Variants in BMP5 observed in about 807,000 individuals in gnomAD.
The protein encoded by BMP5 is bone morphogenetic protein 5.
In BMP5, 23 loss-of-function variants were observed where a neutral mutation model predicts 46.6. The ratio of observed to expected loss-of-function variants is 0.49; its 90% CI spans 0.35 to 0.70. BMP5 has a LOEUF of 0.70. BMP5 is among the 30% of genes least tolerant of loss of function. The pLI, the probability that BMP5 is intolerant of heterozygous loss-of-function variation, is 0.00. For missense variants in BMP5, 545 were observed against 565.6 expected (o/e 0.96, Z 0.37); for synonymous variants, 204 against 191.9 (o/e 1.06, Z -0.52).
At chr6:55,864,737 A>G (rs939115387) in intron 1 of BMP5, among the ~76,000 whole-genome samples, 7 of 152,184 alleles carry the variant, frequency 4.6e-5, no homozygotes, top group African/African-American at 1.4e-4. Flanking sequence ...TCAAAAATCA[A>G]TGTGATGATT....
At chr6:55,847,691 T>C (rs1777132897) in intron 1 of BMP5, among the ~76,000 whole-genome samples, 1 of 151,960 alleles carries the variant, frequency 6.6e-6, no homozygotes, top group South Asian at 2.1e-4. Context: ...GGTTTTGATT[T>C]TTTCATCTAC....
chr6:55,862,392 TCCC>T (rs1777543829), intron 1 of BMP5, among the ~76,000 whole-genome samples: 1 of 152,172 alleles, frequency 6.6e-6, no homozygotes, highest in African/African-American at 2.4e-5. Flanking sequence ...ATTCTCAGAA[TCCC>T]CTTTTATTTC....
Position 55,754,003 on chromosome 6 carries a change from A to T in BMP5, c.*1530T>A, listed in dbSNP as rs1774517630. The T allele has an allele frequency of 6.6e-6, 1 of 151,940 alleles. No individual in the cohort carries two copies. Among genetic ancestry groups the T allele is most frequent in the African/African-American group, 2.4e-5 (1 of 41,424 alleles). 9.4% of individuals were successfully genotyped at this position (151,940 alleles called of 1,614,324 possible). A position where few individuals can be genotyped will look rare whatever the true frequency, so the allele number is the denominator to read the frequency against. On this transcript the variant is annotated 3_prime_UTR_variant, in exon 7 of 7. Transcript: ENST00000370830. ...TACCCCTTAATATAGTTACTGTCAA[A>T]TTTTCTTTAAGATAAACTGTATTTC...
chr6:55,806,060 C>A lies in BMP5; in HGVS notation c.684-11633G>T, dbSNP rs568708854. 5.3e-5 allele frequency among the ~76,000 whole-genome samples: 8 copies of A among 152,250 alleles called. No homozygotes were observed. In the East Asian group the frequency reaches 1.5e-3, roughly 29 times the overall value. On this transcript the variant is annotated intron_variant, in intron 2 of 6. Transcript: ENST00000370830. ...GATAGTTTCTTTTGCTGTGCAGAAGCTCTTTAGTTTAATTAGATCTCATTT... is the reference window on the plus strand; with the variant it reads ...GATAGTTTCTTTTGCTGTGCAGAAGATCTTTAGTTTAATTAGATCTCATTT...
intron 1 of BMP5, among the ~76,000 whole-genome samples, chr6:55,843,920 T>G (rs575253836): frequency 6.6e-6 from 1 of 152,170 alleles, no homozygotes; most frequent in East Asian, 1.9e-4. Flanking sequence ...AGAGAAATTG[T>G]CCTTAAATTT....
At chr6:55,838,063 A>C (rs545752640) in intron 1 of BMP5, among the ~76,000 whole-genome samples, 1 of 152,270 alleles carries the variant, frequency 6.6e-6, no homozygotes, top group South Asian at 2.1e-4. Flanking sequence ...TCATCTGTTG[A>C]TGGACACTTA....
chr6:55,870,129 CCTT>C (rs1383277513), intron 1 of BMP5, among the ~76,000 whole-genome samples: 11 of 151,460 alleles, frequency 7.3e-5, no homozygotes, highest in Admixed American at 5.3e-4. Flanking sequence ...AGTCCCAAGT[CCTT>C]CTTAGTTCCA....
At chr6:55,793,183 T>C (rs1277468719) in intron 3 of BMP5, among the ~76,000 whole-genome samples, 1 of 152,192 alleles carries the variant, frequency 6.6e-6, no homozygotes, top group Non-Finnish European at 1.5e-5. Context: ...CTGAATATAT[T>C]GGCCTTGGCT....
At chr6:55,839,784 A>G (rs1776906838) in intron 1 of BMP5, among the ~76,000 whole-genome samples, 1 of 152,210 alleles carries the variant, frequency 6.6e-6, no homozygotes, top group Non-Finnish European at 1.5e-5. Flanking sequence ...TCCCTAGTGA[A>G]TAATGATATT....
chr6:55,835,191 T>G (rs1776761422), intron 1 of BMP5, among the ~76,000 whole-genome samples: 1 of 152,272 alleles, frequency 6.6e-6, no homozygotes, highest in Admixed American at 6.5e-5. Flanking sequence ...GAAAAATATT[T>G]ACCTTATTTT....
chr6:55,769,103 G>C (rs1774984969), intron 4 of BMP5, among the ~76,000 whole-genome samples: 1 of 151,968 alleles, frequency 6.6e-6, no homozygotes, highest in African/African-American at 2.4e-5. Context: ...TCAGGTTGGT[G>C]ATTGCTGAAG....
chr6:55,791,085 CT>C (rs1444811090), intron 3 of BMP5, among the ~76,000 whole-genome samples: 8 of 152,124 alleles, frequency 5.3e-5, no homozygotes, highest in Non-Finnish European at 1.0e-4. Context: ...ACTCCTTTTG[CT>C]TAGAAGAAAA....
intron 1 of BMP5, among the ~76,000 whole-genome samples, chr6:55,832,067 T>A (rs1195349214): frequency 6.6e-6 from 1 of 152,080 alleles, no homozygotes; most frequent in Non-Finnish European, 1.5e-5. Flanking sequence ...ATCACAAATA[T>A]CCCATTTACC....
In BMP5 at chr6:55,762,251, A is replaced by T. The variant is rs978489923; in HGVS notation, c.1028-1718T>A. On this transcript the variant is annotated intron_variant, in intron 4 of 6. Transcript: ENST00000370830. ...AATAAAATATTAAAGAAATAAAATT[A>T]AAAAATAATTTGTTTTACAGTTTTT... is the stretch of plus-strand genomic sequence containing the variant. Among the ~76,000 whole-genome samples the T allele has an allele frequency of 4.0e-4, 61 of 152,116 alleles. 1 individual carries two copies. The highest frequency in any genetic ancestry group is 3.7e-3 in the Admixed American group (56 of 15,264).
chr6:55,794,474 A>G, intron 2 of BMP5, 47 bp from the exon 3 acceptor site: 1 of 1,573,434 alleles, frequency 6.4e-7, no homozygotes, highest in Non-Finnish European at 8.7e-7. Context: ...TTAAATGAAC[A>G]TCATTATTTC....
intron 3 of BMP5, among the ~76,000 whole-genome samples, chr6:55,786,029 T>A (rs552654157): frequency 6.6e-6 from 1 of 151,884 alleles, no homozygotes; most frequent in African/African-American, 2.4e-5. Context: ...CACAATTACT[T>A]GAGAATGTGT....
chr6:55,773,696 T>C (rs572756548), intron 4 of BMP5, among the ~76,000 whole-genome samples: 4 of 152,132 alleles, frequency 2.6e-5, no homozygotes, highest in African/African-American at 9.6e-5. Flanking sequence ...TTACATTTAA[T>C]TTACCTGGTT....
chr6:55,823,314 T>A (rs1776453036), intron 1 of BMP5, among the ~76,000 whole-genome samples: 1 of 152,068 alleles, frequency 6.6e-6, no homozygotes, highest in Non-Finnish European at 1.5e-5. Context: ...GTATATAGCA[T>A]CTAACACATC....
chr6:55,848,359 C>T (rs570987452), intron 1 of BMP5, among the ~76,000 whole-genome samples: 4 of 152,054 alleles, frequency 2.6e-5, no homozygotes, highest in South Asian at 4.1e-4. Context: ...ACTTGATTCC[C>T]TATCTTTTCC....
Sources: gnomAD v4.1 joint callset for allele counts (sites outside exome capture counted in the v4.1 genomes callset) on GRCh38, gnomAD v4.1.1 for gene constraint, MANE v1.5 for transcripts, NCBI Gene and HGNC (gene_info 2026-07-23, HGNC 2026-07-21) for gene names.